SMPD3: variants seen among roughly 807,000 people sequenced by gnomAD.
SMPD3 encodes the protein nSMase-2.
In SMPD3, 21 loss-of-function variants were observed where a neutral mutation model predicts 55.7. The observed-to-expected ratio is 0.38, with a 90% CI of 0.27 to 0.54. SMPD3 has a LOEUF of 0.54. SMPD3 is among the 20% of genes least tolerant of loss of function. SMPD3 has a pLI of 0.80. For synonymous variants in SMPD3, 457 were observed against 404.3 expected (o/e 1.13, Z -1.56); for missense variants, 842 against 899.6 (o/e 0.94, Z 0.82).
At chr16:68,365,823 G>A (rs2089462842) in intron 3 of SMPD3, among the ~76,000 whole-genome samples, 1 of 151,880 alleles carries the variant, frequency 6.6e-6, no homozygotes, top group South Asian at 2.1e-4. Context: ...ACCCTGGCAG[G>A]ATCCCAAAGG....
rs199717085 is a variant in SMPD3, at chr16:68,398,886, G to A, written c.-268-12227C>T. ...ATCTGTGGCAGAGCACACCGAAGTG[G>A]AGTGTGTCTGTGGTCACTTTTCATT... is the stretch of plus-strand genomic sequence containing the variant. On this transcript the variant is annotated intron_variant, in intron 1 of 8. Coordinates refer to ENST00000219334, the MANE Select transcript of SMPD3 (RefSeq NM_018667.4). Among the ~76,000 whole-genome samples, 8 of 152,372 alleles carry A rather than the reference G, an allele frequency of 5.3e-5. No individual in the cohort carries two copies. The East Asian group carries it at 1.5e-3, about 29-fold the overall frequency.
chr16:68,361,792 C>G, intron 7 of SMPD3, 33 bp from the exon 8 acceptor site: 1 of 1,604,790 alleles, frequency 6.2e-7, no homozygotes, highest in Non-Finnish European at 8.5e-7. Flanking sequence ...GGTGGGCCCC[C>G]ATGCCCGCCC....
chr16:68,371,457 G>C lies in SMPD3; in HGVS notation c.725C>G (p.Ala242Gly). The C allele has an allele frequency of 6.3e-7, 1 of 1,593,480 alleles. No individual in the cohort carries two copies. The highest frequency in any genetic ancestry group is 8.5e-7 in the Non-Finnish European group (1 of 1,177,742). The change falls in exon 3 of 9, where the codon GCC becomes GGC. Residue 242 changes from alanine (A) to glycine (G), a missense_variant. This residue lies in a region of SMPD3 where 649 missense variants were observed against 643.6 expected (regional missense o/e 1.01). Transcript: ENST00000219334. ...CTCGCCACCGATGCGCACGATGCAG[G>C]CATCCTCCGGGCTGCTGCTGTCGAC... ...DPVDSSSPED[A>G]CIVRIGGEEG...
In SMPD3 at chr16:68,407,638, G is replaced by C. The variant is rs1421376519; in HGVS notation, c.-268-20979C>G. ...GTGTGAGCTACTACAGGAGCCTATT[G>C]TTGTATTTTTTAAAAATTGTTTTTA... On this transcript the variant is annotated intron_variant, in intron 1 of 8. Coordinates refer to ENST00000219334, the MANE Select transcript of SMPD3 (RefSeq NM_018667.4). 9.2e-5 allele frequency among the ~76,000 whole-genome samples: 14 copies of C among 152,030 alleles called. 1 individual carries two copies. The highest frequency in any genetic ancestry group is 8.8e-5 in the Non-Finnish European group (6 of 67,992).
intron 1 of SMPD3, among the ~76,000 whole-genome samples, chr16:68,400,154 AG>A (rs2090193724): frequency 6.6e-6 from 1 of 152,224 alleles, no homozygotes; most frequent in Admixed American, 6.5e-5. Context: ...AGAGCCTCCT[AG>A]TCCCACTTCC....
chr16:68,439,508 A>G (rs1338856705), intron 1 of SMPD3, among the ~76,000 whole-genome samples: 3 of 152,238 alleles, frequency 2.0e-5, no homozygotes, highest in Non-Finnish European at 4.4e-5. Flanking sequence ...CCTGAAAGTC[A>G]GGGGCCTCCC....
intron 2 of SMPD3, among the ~76,000 whole-genome samples, chr16:68,384,165 G>A (rs980123840): frequency 3.3e-5 from 5 of 152,216 alleles, no homozygotes; most frequent in Admixed American, 2.6e-4. Flanking sequence ...AGCTCCAGGG[G>A]CCCTGACCCG....
At position 68,361,114 on chromosome 16, in the gene SMPD3, C is replaced by T. The variant is rs2089234439; in HGVS notation, c.*92G>A. The T allele has an allele frequency of 8.4e-7, 1 of 1,193,296 alleles. No homozygotes were observed. Among genetic ancestry groups the T allele is most frequent in the Non-Finnish European group, 1.2e-6 (1 of 841,120 alleles). 73.9% of individuals were successfully genotyped at this position (1,193,296 alleles called of 1,614,324 possible). ...GCTCCCTCCCTGTCCCTGCCCTCCT[C>T]CCCCAAGCACCGGGCACTCGATGGA... is the stretch of plus-strand genomic sequence containing the variant. On this transcript the variant is annotated 3_prime_UTR_variant, in exon 9 of 9. Transcript: ENST00000219334.
intron 1 of SMPD3, among the ~76,000 whole-genome samples, chr16:68,402,686 G>A (rs1322014410): frequency 6.6e-6 from 1 of 152,048 alleles, no homozygotes; most frequent in African/African-American, 2.4e-5. Context: ...TGGAAACTCA[G>A]AGAGGCGGTA....
intron 3 of SMPD3, chr16:68,368,168 G>A (rs2089542503): frequency 6.6e-6 from 1 of 152,618 alleles, no homozygotes; most frequent in South Asian, 2.1e-4. Flanking sequence ...CTGGGCACGA[G>A]GGCAGAGGAG....
intron 1 of SMPD3, among the ~76,000 whole-genome samples, chr16:68,415,810 T>G (rs946164195): frequency 2.0e-5 from 3 of 151,886 alleles, no homozygotes; most frequent in Non-Finnish European, 4.4e-5. Context: ...TCAGCTTTTT[T>G]TTTTTTTTTT....
chr16:68,364,125 G>A (rs1014004266), intron 5 of SMPD3, among the ~76,000 whole-genome samples: 4 of 152,190 alleles, frequency 2.6e-5, no homozygotes, highest in African/African-American at 9.7e-5. Flanking sequence ...CAGTGACCAC[G>A]GTCCTCGGAC....
At chr16:68,384,832 G>A (rs1247804227) in intron 2 of SMPD3, among the ~76,000 whole-genome samples, 2 of 151,780 alleles carry the variant, frequency 1.3e-5, no homozygotes, top group East Asian at 1.9e-4. Context: ...AACCCCTGCC[G>A]ACTGAGAACA....
intron 1 of SMPD3, among the ~76,000 whole-genome samples, chr16:68,445,065 T>A (rs2090599634): frequency 6.6e-6 from 1 of 152,252 alleles, no homozygotes; most frequent in Non-Finnish European, 1.5e-5. Context: ...TATTTAGGAC[T>A]GAGCATGTCT....
At chr16:68,441,772 A>T (rs2090567792) in intron 1 of SMPD3, among the ~76,000 whole-genome samples, 1 of 151,962 alleles carries the variant, frequency 6.6e-6, no homozygotes, top group Admixed American at 6.6e-5. Context: ...AAAATTTTTT[A>T]AATTAAAAAA....
intron 1 of SMPD3, among the ~76,000 whole-genome samples, chr16:68,432,515 T>C (rs774922324): frequency 3.3e-5 from 5 of 152,254 alleles, no homozygotes; most frequent in Non-Finnish European, 4.4e-5. Flanking sequence ...CTTGTAGTTA[T>C]AAAAGCCTTT....
chr16:68,398,971 CACTA>C (rs1378302707), intron 1 of SMPD3, among the ~76,000 whole-genome samples: 11 of 152,194 alleles, frequency 7.2e-5, no homozygotes, highest in Non-Finnish European at 7.3e-5. Context: ...TCTGGGGACT[CACTA>C]ACCTTTAATT....
intron 1 of SMPD3, among the ~76,000 whole-genome samples, chr16:68,444,863 A>T (rs971380225): frequency 1.3e-5 from 2 of 152,270 alleles, no homozygotes; most frequent in African/African-American, 4.8e-5. Context: ...GGAAGAGATT[A>T]AGTCCTATTT....
intron 2 of SMPD3, among the ~76,000 whole-genome samples, chr16:68,372,751 G>A (rs964284288): frequency 2.6e-5 from 4 of 152,188 alleles, no homozygotes; most frequent in East Asian, 1.9e-4. Context: ...CACCCTGACC[G>A]GGGGCCGCCG....
Sources: allele counts gnomAD v4.1 joint callset (sites outside exome capture counted in the v4.1 genomes callset), GRCh38; gene constraint gnomAD v4.1.1; regional missense constraint gnomAD v4.1.1; transcripts MANE v1.5; gene names NCBI Gene and HGNC (gene_info 2026-07-23, HGNC 2026-07-21).